The following ANKFN1 variants were observed in gnomAD, a reference collection of about 807,000 sequenced individuals.
ANKFN1 encodes ankyrin repeat and fibronectin type-III domain-containing protein 1.
A neutral mutation model predicts 108.7 loss-of-function variants in ANKFN1; 74 were observed. The ratio of observed to expected loss-of-function variants is 0.68; its 90% CI spans 0.56 to 0.83. The LOEUF is 0.83. Ranked by LOEUF, ANKFN1 falls within the 40% of genes least tolerant of loss-of-function variation. The probability of loss-of-function intolerance (pLI) is 0.00; values close to 1 mark genes in which losing one functional copy is unlikely to be tolerated. For synonymous variants in ANKFN1, 547 were observed against 516.2 expected, an observed-to-expected ratio of 1.06 and a Z score of -0.81; for missense variants, 1,505 against 1,382.3, an observed-to-expected ratio of 1.09 and a Z score of -1.41.
At chr17:56,060,420 A>G (rs1160837014) in intron 4 of ANKFN1, among the ~76,000 whole-genome samples, 2 of 152,072 alleles carry the variant, frequency 1.3e-5, no homozygotes, top group African/African-American at 4.8e-5. Flanking sequence ...AATGCCCTTT[A>G]TGTATTTCTT....
chr17:56,206,004 C>T (rs898400651), intron 1 of ANKFN1, among the ~76,000 whole-genome samples: 1 of 152,056 alleles, frequency 6.6e-6, no homozygotes, highest in African/African-American at 2.4e-5. Flanking sequence ...ATTTATTTTT[C>T]TGCTTTTCCT....
At chr17:56,047,473 C>A (rs2143061881) in intron 4 of ANKFN1, among the ~76,000 whole-genome samples, 1 of 152,220 alleles carries the variant, frequency 6.6e-6, no homozygotes, top group East Asian at 1.9e-4. Context: ...TGGGACTTGG[C>A]CAGGAGTGGC....
chr17:56,049,932 G>C (rs544067068), intron 4 of ANKFN1, among the ~76,000 whole-genome samples: 1 of 152,116 alleles, frequency 6.6e-6, no homozygotes, highest in Admixed American at 6.6e-5. Context: ...CGGTCAAATG[G>C]TATTTCTAGT....
At chr17:56,257,019 A>C (rs1299950795) in intron 3 of ANKFN1, among the ~76,000 whole-genome samples, 1 of 152,188 alleles carries the variant, frequency 6.6e-6, no homozygotes, top group Admixed American at 6.5e-5. Flanking sequence ...TATCCTGGTG[A>C]CCTTAGTGAA....
chr17:56,449,110 A>G lies in ANKFN1; in HGVS notation c.1131A>G (p.Arg377=). ...NWKDYDDREP[R]HKGQSEVLEG... ...AAGACTATGACGACAGAGAGCCCAG[A>G]CACAAGGGACAGAGTGAAGTTTTGG... The change falls in exon 11 of 21, where the codon AGA becomes AGG. Residue 377 remains arginine, a synonymous_variant. Coordinates refer to ENST00000682825, the MANE Select transcript of ANKFN1 (RefSeq NM_001370326.1). The G allele has an allele frequency of 6.2e-7, 1 of 1,613,548 alleles. No individual in the cohort carries two copies. The highest frequency in any genetic ancestry group is 1.1e-5 in the South Asian group (1 of 91,072).
At chr17:56,349,261 A>C (rs2046186025) in intron 4 of ANKFN1, among the ~76,000 whole-genome samples, 1 of 152,222 alleles carries the variant, frequency 6.6e-6, no homozygotes, top group African/African-American at 2.4e-5. Context: ...GAGCATCAGG[A>C]AGAATAGCTA....
At chr17:56,304,370 A>G (rs945618585) in intron 3 of ANKFN1, among the ~76,000 whole-genome samples, 6 of 152,222 alleles carry the variant, frequency 3.9e-5, no homozygotes, top group Non-Finnish European at 8.8e-5. Context: ...ATTGATGTAA[A>G]TAACAGTTTA....
chr17:56,284,749 C>G (rs115476124), intron 3 of ANKFN1, among the ~76,000 whole-genome samples: 216 of 152,316 alleles, frequency 1.4e-3, no homozygotes, highest in African/African-American at 4.9e-3. Flanking sequence ...AAATTCAAAT[C>G]TGGCATAAGA....
In ANKFN1 at chr17:56,136,431, A is replaced by C. The variant is rs180740140; in HGVS notation, c.288+90106A>C. 5.8e-4 allele frequency among the ~76,000 whole-genome samples: 88 copies of C among 152,352 alleles called. 1 individual carries two copies. Among genetic ancestry groups the C allele is most frequent in the Admixed American group, 2.5e-3 (38 of 15,290 alleles). On this transcript the variant is annotated intron_variant, in intron 4 of 12. Transcript: ENST00000635860. ...CTGGACTGTGGCCTGACACCAGAAC[A>C]AATGTCCTGGCTAGTATCTGTAGAA...
chr17:56,383,045 C>G (rs1374307133), intron 8 of ANKFN1, among the ~76,000 whole-genome samples: 1 of 152,096 alleles, frequency 6.6e-6, no homozygotes, highest in African/African-American at 2.4e-5. Context: ...AGCACCACAC[C>G]ACACCTATTC....
At position 56,508,307 on chromosome 17, in the gene ANKFN1, C is replaced by T. The variant is rs138206763; in HGVS notation, c.2645-2166C>T. ...TGGCTACAAAATAAGGTACAAACTCCTTATCTAAGCATTCAGTACCCTCCT... is the reference window on the plus strand; with the variant it reads ...TGGCTACAAAATAAGGTACAAACTCTTTATCTAAGCATTCAGTACCCTCCT... On this transcript the variant is annotated intron_variant, in intron 20 of 20. Coordinates refer to ENST00000682825, the MANE Select transcript of ANKFN1 (RefSeq NM_001370326.1). 8.5e-5 allele frequency among the ~76,000 whole-genome samples: 13 copies of T among 152,280 alleles called. No individual in the cohort carries two copies. The East Asian group carries it at 2.5e-3, about 29-fold the overall frequency.
chr17:56,310,718 A>G (rs2044995656), intron 3 of ANKFN1, among the ~76,000 whole-genome samples: 3 of 152,002 alleles, frequency 2.0e-5, no homozygotes, highest in Admixed American at 6.6e-5. Context: ...CTAGCAAGCT[A>G]ATTAACATAT....
At chr17:56,350,059 G>C (rs1300833070) in intron 4 of ANKFN1, among the ~76,000 whole-genome samples, 1 of 152,178 alleles carries the variant, frequency 6.6e-6, no homozygotes, top group Non-Finnish European at 1.5e-5. Context: ...TGTGACATTG[G>C]TGAGGACCTC....
intron 3 of ANKFN1, among the ~76,000 whole-genome samples, chr17:56,290,431 C>T (rs1442471793): frequency 6.6e-6 from 1 of 152,006 alleles, no homozygotes; most frequent in African/African-American, 2.4e-5. Context: ...CCAGAAGAGC[C>T]CAAGGAAATA....
intron 4 of ANKFN1, among the ~76,000 whole-genome samples, chr17:56,106,695 GAAT>G (rs59528434): frequency 9.6e-4 from 146 of 152,194 alleles, no homozygotes; most frequent in African/African-American, 3.4e-3. Flanking sequence ...TCTCACTTGG[GAAT>G]AATAATATTT....
At chr17:56,234,358 T>C in intron 3 of ANKFN1, among the ~76,000 whole-genome samples, 1 of 151,954 alleles carries the variant, frequency 6.6e-6, no homozygotes, top group Admixed American at 6.6e-5. Flanking sequence ...TTTTTTTAGC[T>C]TTTATTTTAG....
intron 4 of ANKFN1, among the ~76,000 whole-genome samples, chr17:56,330,485 G>T (rs557478897): frequency 1.3e-3 from 192 of 152,228 alleles, no homozygotes; most frequent in African/African-American, 3.8e-3. Flanking sequence ...GCCATATCAA[G>T]AAATATAAGC....
rs138896139 is a variant in ANKFN1, at chr17:56,248,120, C to T, written c.53+20163C>T. ...TGGAGCCTGGCCTTTTGGTCCATTA[C>T]ATCATTGACTCTTCACCATAATCTT... On this transcript the variant is annotated intron_variant, in intron 3 of 20. Transcript: ENST00000682825. 1.9e-4 allele frequency among the ~76,000 whole-genome samples: 29 copies of T among 152,300 alleles called. No homozygotes were observed. The East Asian group carries it at 5.4e-3, about 28-fold the overall frequency.
At chr17:56,395,627 T>C (rs898561734) in intron 8 of ANKFN1, among the ~76,000 whole-genome samples, 4 of 152,124 alleles carry the variant, frequency 2.6e-5, no homozygotes, top group Non-Finnish European at 4.4e-5. Context: ...GGCAGGCAGA[T>C]CAATTGAGGT....
Sources: gnomAD v4.1 joint callset for allele counts (sites outside exome capture counted in the v4.1 genomes callset) on GRCh38, gnomAD v4.1.1 for gene constraint, MANE v1.5 for transcripts, NCBI Gene and HGNC (gene_info 2026-07-23, HGNC 2026-07-21) for gene names.